The following RPH3AL variants were observed in gnomAD, a reference collection of about 807,000 sequenced individuals.
RPH3AL encodes rabphilin 3A like (without C2 domains), also known as rab effector Noc2.
Under a neutral mutation model 43.1 loss-of-function variants are expected in RPH3AL, and 38 were observed. That is an observed-to-expected ratio of 0.88 (90% CI 0.68 to 1.15). RPH3AL has a LOEUF of 1.15. Ranked by LOEUF, RPH3AL falls within the 50% of genes most tolerant of loss-of-function variation. RPH3AL has a pLI of 0.00. For missense variants in RPH3AL, 462 were observed against 423.2 expected (o/e 1.09, Z -0.81); for synonymous variants, 189 against 176.3 (o/e 1.07, Z -0.57).
At chr17:214,645 C>T (rs1279208845) in intron 9 of RPH3AL, 1 of 152,418 alleles carries the variant, frequency 6.6e-6, no homozygotes, top group African/African-American at 2.4e-5. Flanking sequence ...TGGCACTTGC[C>T]TATAGTCCTA....
intron 6 of RPH3AL, among the ~76,000 whole-genome samples, chr17:275,539 C>T (rs771548013): frequency 1.3e-5 from 2 of 152,138 alleles, no homozygotes; most frequent in Non-Finnish European, 2.9e-5. Flanking sequence ...TATTATGATT[C>T]TTCAAACTGC....
In RPH3AL at chr17:335,777, C is replaced by A. The variant is rs377657815; in HGVS notation, c.-212-1843G>T. The A allele has an allele frequency of 2.0e-5, 3 of 152,206 alleles. No individual in the cohort carries two copies. The South Asian group carries it at 6.2e-4, about 32-fold the overall frequency. The allele number at this position is 152,206 out of a possible 1,614,324, so 9.4% of individuals were successfully genotyped here. A position where few individuals can be genotyped will look rare whatever the true frequency, so the allele number is the denominator to read the frequency against. The stretch of plus-strand genomic sequence containing the variant: ...CTCCCAGGTGCCAGAGGAAGTACCC[C>A]GTGGAGAGGGCCTGGAGGCTTCGCA... On this transcript the variant is annotated intron_variant, in intron 1 of 9. Transcript: ENST00000331302.
chr17:238,188 AAAGG>A (rs999953640), intron 7 of RPH3AL, among the ~76,000 whole-genome samples: 27 of 150,552 alleles, frequency 1.8e-4, no homozygotes, highest in African/African-American at 5.9e-4. Context: ...AGAGAGAAAG[AAAGG>A]AAGGAAGAGA....
chr17:244,437 T>TGG (rs907115286), intron 7 of RPH3AL, among the ~76,000 whole-genome samples: 2 of 129,092 alleles, frequency 1.5e-5, no homozygotes, highest in African/African-American at 2.7e-5. Context: ...GGGAAGAGAA[T>TGG]GGGGGGGGAG....
chr17:348,126 G>A (rs1219785328), intron 1 of RPH3AL, among the ~76,000 whole-genome samples: 2 of 151,216 alleles, frequency 1.3e-5, no homozygotes, highest in African/African-American at 2.4e-5. Context: ...CTGGCAAAGG[G>A]AAGGAAACCA....
intron 5 of RPH3AL, among the ~76,000 whole-genome samples, chr17:314,647 G>GTAGTCCCTGTACTCCACGTCCAT (rs2043826646): frequency 1.0e-5 from 1 of 99,436 alleles, no homozygotes; most frequent in Non-Finnish European, 2.3e-5. Flanking sequence ...TGTAGTCCCT[G>GTAGTCCCTGTACTCCACGTCCAT]TGACTCCACC....
At chr17:298,022 C>T (rs536805421) in intron 5 of RPH3AL, among the ~76,000 whole-genome samples, 5 of 152,184 alleles carry the variant, frequency 3.3e-5, no homozygotes, top group Admixed American at 6.5e-5. Context: ...ACGCCAGCCC[C>T]ACACTTTGCT....
At chr17:305,749 ACTCACATCACTCAGTCATCC>A (rs199890071) in intron 5 of RPH3AL, among the ~76,000 whole-genome samples, 1,952 of 152,024 alleles carry the variant, frequency 0.013, 45 homozygotes, top group African/African-American at 0.044. Context: ...CTCCCAGGTT[ACTCACATCACTCAGTCATCC>A]CTCACATCAC....
At chr17:224,556 G>A (rs2041063709) in intron 7 of RPH3AL, among the ~76,000 whole-genome samples, 1 of 152,212 alleles carries the variant, frequency 6.6e-6, no homozygotes, top group South Asian at 2.1e-4. Flanking sequence ...TTGCATGTCT[G>A]CTTCCCCTAG....
intron 5 of RPH3AL, among the ~76,000 whole-genome samples, chr17:295,855 G>A (rs2043164530): frequency 7.3e-6 from 1 of 136,346 alleles, no homozygotes; most frequent in Admixed American, 7.1e-5. Flanking sequence ...GACAGCAGAG[G>A]GAATGCACAT....
At chr17:219,379 A>G (rs1367097284) in intron 8 of RPH3AL, among the ~76,000 whole-genome samples, 1 of 150,696 alleles carries the variant, frequency 6.6e-6, no homozygotes, top group Non-Finnish European at 1.5e-5. Context: ...TCATATTTTT[A>G]GTAGAGGTGG....
chr17:294,215 C>T (rs886420348), intron 5 of RPH3AL, among the ~76,000 whole-genome samples: 5 of 151,646 alleles, frequency 3.3e-5, no homozygotes, highest in African/African-American at 7.3e-5. Flanking sequence ...GATGAAGAGA[C>T]GTACAAACGC....
intron 3 of RPH3AL, among the ~76,000 whole-genome samples, chr17:324,707 G>C (rs12938472): frequency 0.48 from 62,111 of 130,428 alleles, 13,305 homozygotes; most frequent in Middle Eastern, 0.56. Flanking sequence ...AGCTAGCTAT[G>C]TACCTATCTA....
chr17:321,543 G>A lies in RPH3AL; in HGVS notation c.78-128C>T, dbSNP rs141111617. On this transcript the variant is annotated intron_variant, in intron 3 of 9. Transcript: ENST00000331302. ...CCCAGGTGCCGCGTGCCGGGACGAC[G>A]AGCGCGGGCAGCAGAGATGGCCCAG... The A allele has an allele frequency of 3.8e-3, 4,158 of 1,080,434 alleles. 10 individuals are homozygous for A. The highest frequency in any genetic ancestry group is 6.2e-3 in the Middle Eastern group (26 of 4,224). 66.9% of individuals were successfully genotyped at this position (1,080,434 alleles called of 1,614,324 possible). A position where few individuals can be genotyped will look rare whatever the true frequency, so the allele number is the denominator to read the frequency against.
In RPH3AL at chr17:273,408, G is replaced by T. The variant is rs138399146; in HGVS notation, c.438+8360C>A. On this transcript the variant is annotated intron_variant, in intron 6 of 9. Transcript: ENST00000331302. ...AGGGAGAGACCCCAGCGAGGGTGACGTCAGGGTGAGACCCCGGCGAGGGCG... is the reference window on the plus strand; with the variant it reads ...AGGGAGAGACCCCAGCGAGGGTGACTTCAGGGTGAGACCCCGGCGAGGGCG... 1.6e-3 allele frequency among the ~76,000 whole-genome samples: 11 copies of T among 6,918 alleles called. 1 individual carries two copies. The highest frequency in any genetic ancestry group is 0.012 in the Admixed American group (6 of 516). The allele number at this position is 6,918 out of a possible 152,430, so 4.5% of individuals were successfully genotyped here. A position where few individuals can be genotyped will look rare whatever the true frequency, so the allele number is the denominator to read the frequency against.
chr17:282,968 G>A (rs73278940), intron 5 of RPH3AL, among the ~76,000 whole-genome samples: 2,299 of 152,336 alleles, frequency 0.015, 59 homozygotes, highest in African/African-American at 0.053. Flanking sequence ...TGCTTCCCCT[G>A]AAGGCACAGC....
At chr17:228,292 C>G (rs1007990334) in intron 7 of RPH3AL, among the ~76,000 whole-genome samples, 8 of 152,190 alleles carry the variant, frequency 5.3e-5, no homozygotes, top group Non-Finnish European at 1.5e-5. Flanking sequence ...ATCCTCCCGC[C>G]TCGGTCTCCC....
At chr17:265,879 G>C (rs1555547830) in intron 6 of RPH3AL, among the ~76,000 whole-genome samples, 1 of 152,204 alleles carries the variant, frequency 6.6e-6, no homozygotes, top group Non-Finnish European at 1.5e-5. Context: ...CTCGCCTTTG[G>C]GCCCTTCTGT....
intron 1 of RPH3AL, among the ~76,000 whole-genome samples, chr17:344,391 C>T (rs2045197021): frequency 7.6e-6 from 1 of 131,320 alleles, no homozygotes; most frequent in Non-Finnish European, 1.7e-5. Context: ...TCACCACCAT[C>T]AGACATCATC....
Sources: gnomAD v4.1 joint callset for allele counts (sites outside exome capture counted in the v4.1 genomes callset) on GRCh38, gnomAD v4.1.1 for gene constraint, MANE v1.5 for transcripts, NCBI Gene and HGNC (gene_info 2026-07-23, HGNC 2026-07-21) for gene names.